Variants in DNAJC12 observed in about 807,000 individuals in gnomAD.
DNAJC12 encodes the protein DnaJ heat shock protein family (Hsp40) member C12.
In DNAJC12, 25 loss-of-function variants were observed where a neutral mutation model predicts 28.5. The ratio of observed to expected loss-of-function variants is 0.88; its 90% CI spans 0.64 to 1.22. The LOEUF (loss-of-function observed/expected upper bound fraction) is 1.22. Among genes scored for constraint, DNAJC12 ranks in the 50% most tolerant of loss-of-function variants. The probability of loss-of-function intolerance (pLI) is 0.00; values close to 1 mark genes in which losing one functional copy is unlikely to be tolerated. For missense variants in DNAJC12, 222 were observed against 231.7 expected, an observed-to-expected ratio of 0.96 and a Z score of 0.27; for synonymous variants, 77 against 80.6, an observed-to-expected ratio of 0.95 and a Z score of 0.24.
At chr10:67,809,858 G>A (rs536580500) in intron 3 of DNAJC12, among the ~76,000 whole-genome samples, 2 of 152,220 alleles carry the variant, frequency 1.3e-5, no homozygotes, top group East Asian at 3.9e-4. Flanking sequence ...GGCTGGGACG[G>A]AGAGTGAAGG....
intron 1 of DNAJC12, among the ~76,000 whole-genome samples, chr10:67,825,053 T>C (rs1216121500): frequency 1.3e-5 from 2 of 152,080 alleles, no homozygotes; most frequent in African/African-American, 4.8e-5. Context: ...TGGTTTGAAA[T>C]CCCAGTTCTG....
At chr10:67,819,666 GAA>G (rs1564863051) in intron 2 of DNAJC12, among the ~76,000 whole-genome samples, 33 of 7,430 alleles carry the variant, frequency 4.4e-3, no homozygotes, top group African/African-American at 0.012. Flanking sequence ...GAAAGAGAAA[GAA>G]AGAAAGAAAG....
chr10:67,828,649 TTC>T (rs1842060536), intron 1 of DNAJC12, among the ~76,000 whole-genome samples: 1 of 133,734 alleles, frequency 7.5e-6, no homozygotes, highest in Non-Finnish European at 1.6e-5. Context: ...GTGTTAAATA[TTC>T]TATTTTCTCT....
Position 67,809,994 on chromosome 10 carries a change from T to C in DNAJC12, c.297+1530A>G, listed in dbSNP as rs371034044. 3.3e-5 allele frequency among the ~76,000 whole-genome samples: 5 copies of C among 152,284 alleles called. No homozygotes were observed. The East Asian group carries it at 7.7e-4, about 23-fold the overall frequency. On this transcript the variant is annotated intron_variant, in intron 3 of 4. Coordinates refer to ENST00000225171, the MANE Select transcript of DNAJC12 (RefSeq NM_021800.3). ...CCACTTGTATTAGTCCATTTCACAC[T>C]GCTGTAAAGAACTACCTGAGACTCA...
intron 4 of DNAJC12, among the ~76,000 whole-genome samples, chr10:67,800,429 G>A (rs984893934): frequency 2.0e-5 from 3 of 152,078 alleles, no homozygotes; most frequent in African/African-American, 7.2e-5. Context: ...GAGGGGTGAA[G>A]GACCTGGAGA....
chr10:67,809,679 C>A (rs546617974), intron 3 of DNAJC12, among the ~76,000 whole-genome samples: 2 of 152,232 alleles, frequency 1.3e-5, no homozygotes, highest in Admixed American at 6.5e-5. Flanking sequence ...AAAATAATAT[C>A]TTTTGCAGCA....
chr10:67,818,070 T>C (rs1841933329), intron 2 of DNAJC12, among the ~76,000 whole-genome samples: 1 of 151,958 alleles, frequency 6.6e-6, no homozygotes, highest in South Asian at 2.1e-4. Flanking sequence ...TCAGGTGTGG[T>C]GGCGCACATG....
intron 2 of DNAJC12, among the ~76,000 whole-genome samples, chr10:67,814,034 G>T (rs1359849498): frequency 1.1e-5 from 1 of 95,206 alleles, no homozygotes; most frequent in Non-Finnish European, 2.8e-5. Context: ...ACCCAGAATT[G>T]CCAAAAAAAA....
At chr10:67,830,524 C>A (rs1842082534) in intron 1 of DNAJC12, among the ~76,000 whole-genome samples, 1 of 150,694 alleles carries the variant, frequency 6.6e-6, no homozygotes. Context: ...AGAAGAACGG[C>A]GTGAACCCGG....
In DNAJC12 at chr10:67,796,900, CTTTAA is replaced by C. The variant is rs1483719260; in HGVS notation, c.*211_*215del. The stretch of plus-strand genomic sequence containing the variant: ...ATACAATCTACTCTGTATCTAAGAG[CTTTAA>C]TTTATTCAAATATTGGAAGAAATTC... On this transcript the variant is annotated 3_prime_UTR_variant, in exon 5 of 5. Coordinates refer to ENST00000225171, the MANE Select transcript of DNAJC12 (RefSeq NM_021800.3). 2.2e-6 allele frequency: 1 copy of C among 449,554 alleles called. No homozygotes were observed. The allele number at this position is 449,554 out of a possible 1,614,324, so 27.8% of individuals were successfully genotyped here. A position where few individuals can be genotyped will look rare whatever the true frequency, so the allele number is the denominator to read the frequency against.
At chr10:67,811,383 A>T in intron 3 of DNAJC12, 141 bp downstream of exon 3, 2 of 1,501,636 alleles carry the variant, frequency 1.3e-6, no homozygotes, top group South Asian at 2.8e-5. Flanking sequence ...GGATTTACGG[A>T]CACTGAATTA....
At chr10:67,815,109 T>C (rs1841900034) in intron 2 of DNAJC12, among the ~76,000 whole-genome samples, 1 of 152,200 alleles carries the variant, frequency 6.6e-6, no homozygotes, top group South Asian at 2.1e-4. Flanking sequence ...CCATCAACTG[T>C]GAATTGATAA....
intron 4 of DNAJC12, among the ~76,000 whole-genome samples, chr10:67,798,262 T>C (rs1205151294): frequency 1.3e-5 from 2 of 152,020 alleles, no homozygotes; most frequent in African/African-American, 4.8e-5. Flanking sequence ...ATCTTAATAT[T>C]TACCATTATA....
rs573402061 is a variant in DNAJC12, at chr10:67,809,522, T to G, written c.297+2002A>C. Among the ~76,000 whole-genome samples, 10 of 152,194 alleles carry G rather than the reference T, an allele frequency of 6.6e-5. No homozygotes were observed. The South Asian group carries it at 2.1e-3, about 32-fold the overall frequency. On this transcript the variant is annotated intron_variant, in intron 3 of 4. Coordinates refer to ENST00000225171, the MANE Select transcript of DNAJC12 (RefSeq NM_021800.3). ...CAATTAAACTAGCAGGAGGAACTTC[T>G]AGAAAACAAAAAGAAATAAATAAGT...
chr10:67,819,116 G>A (rs1187211453), intron 2 of DNAJC12, among the ~76,000 whole-genome samples: 2 of 150,736 alleles, frequency 1.3e-5, no homozygotes, highest in Non-Finnish European at 3.0e-5. Context: ...GGCGGATCAC[G>A]AGGTCAGGAG....
At chr10:67,824,354 G>A (rs538961634) in intron 1 of DNAJC12, among the ~76,000 whole-genome samples, 1 of 151,782 alleles carries the variant, frequency 6.6e-6, no homozygotes, top group Admixed American at 6.6e-5. Flanking sequence ...AAGGATAACT[G>A]TCTCTGAATT....
intron 3 of DNAJC12, among the ~76,000 whole-genome samples, chr10:67,809,237 T>C (rs1162290124): frequency 6.6e-6 from 1 of 152,138 alleles, no homozygotes. Context: ...CCTAAATCCA[T>C]GCTGCCATAT....
intron 4 of DNAJC12, 23 bp downstream of exon 4, chr10:67,805,560 T>C: frequency 1.3e-6 from 2 of 1,582,230 alleles, no homozygotes; most frequent in Non-Finnish European, 1.7e-6. Context: ...TTCTCCATTC[T>C]GCAGTTATAT....
At chr10:67,799,156 A>G (rs1269444311) in intron 4 of DNAJC12, among the ~76,000 whole-genome samples, 1 of 152,144 alleles carries the variant, frequency 6.6e-6, no homozygotes, top group Admixed American at 6.6e-5. Context: ...TATGTTAATA[A>G]TATTGCTAAT....
Sources: gnomAD v4.1 joint callset for allele counts (sites outside exome capture counted in the v4.1 genomes callset) on GRCh38, gnomAD v4.1.1 for gene constraint, MANE v1.5 for transcripts, NCBI Gene and HGNC (gene_info 2026-07-23, HGNC 2026-07-21) for gene names.